The following BAZ1A variants were observed in gnomAD, a reference collection of about 807,000 sequenced individuals.
The protein encoded by BAZ1A is bromodomain adjacent to zinc finger domain 1A.
Under a neutral mutation model 185.2 loss-of-function variants are expected in BAZ1A, and 50 were observed. The observed-to-expected ratio is 0.27, with a 90% CI of 0.22 to 0.34. The LOEUF (loss-of-function observed/expected upper bound fraction) is 0.34, where lower values mean the gene tolerates loss of function less well. Ranked by LOEUF, BAZ1A falls within the 10% of genes least tolerant of loss-of-function variation. The pLI, the probability that BAZ1A is intolerant of heterozygous loss-of-function variation, is 1.00. For synonymous variants in BAZ1A, 571 were observed against 615.6 expected (o/e 0.93, Z 1.07); for missense variants, 1,356 against 1,839.9 (o/e 0.74, Z 4.81).
At chr14:34,824,133 G>C (rs1024149020) in intron 4 of BAZ1A, among the ~76,000 whole-genome samples, 2 of 149,336 alleles carry the variant, frequency 1.3e-5, no homozygotes, top group Non-Finnish European at 1.5e-5. Context: ...CACTTCAAGA[G>C]ACTGAGGTGG....
At chr14:34,833,431 G>C (rs1442260489) in intron 3 of BAZ1A, among the ~76,000 whole-genome samples, 1 of 152,190 alleles carries the variant, frequency 6.6e-6, no homozygotes. Context: ...AGGAGGCTGA[G>C]ACAGGAGAAT....
intron 23 of BAZ1A, among the ~76,000 whole-genome samples, chr14:34,764,375 C>A (rs963202234): frequency 2.8e-5 from 4 of 145,268 alleles, no homozygotes; most frequent in Non-Finnish European, 5.9e-5. Flanking sequence ...CTCACTGCAA[C>A]CTCCGCTCCC....
At chr14:34,806,018 C>A (rs1350267084) in intron 6 of BAZ1A, among the ~76,000 whole-genome samples, 1 of 147,894 alleles carries the variant, frequency 6.8e-6, no homozygotes. Flanking sequence ...ATTTTTTTTT[C>A]TATTTCTCCT....
At chr14:34,785,661 C>T in intron 14 of BAZ1A, 116 bp downstream of exon 14, 1 of 777,098 alleles carries the variant, frequency 1.3e-6, no homozygotes, top group Non-Finnish European at 2.0e-6. Flanking sequence ...AGTTTGCTTT[C>T]TCTTTTTCTC....
intron 20 of BAZ1A, among the ~76,000 whole-genome samples, chr14:34,772,508 T>G (rs76748538): frequency 0.021 from 3,232 of 152,218 alleles, 130 homozygotes; most frequent in African/African-American, 0.074. Context: ...ACTGTTCCCT[T>G]CTAGATGACA....
intron 21 of BAZ1A, among the ~76,000 whole-genome samples, 169 bp from the exon 22 acceptor site, chr14:34,765,437 T>G (rs1233110618): frequency 6.6e-6 from 1 of 152,226 alleles, no homozygotes; most frequent in East Asian, 1.9e-4. Context: ...TGGAAAATAT[T>G]TGCTGAGCCG....
chr14:34,781,299 C>A (rs1279056781), intron 16 of BAZ1A, among the ~76,000 whole-genome samples: 1 of 152,110 alleles, frequency 6.6e-6, no homozygotes, highest in African/African-American at 2.4e-5. Context: ...TTAAAGTGTA[C>A]AATTTAGTGG....
Position 34,776,247 on chromosome 14 carries a change from G to A in BAZ1A, c.2505C>T (p.Asp835=). Residue 835 remains aspartate (D), a synonymous_variant, in exon 18 of 27, where the codon GAC becomes GAT. Transcript: ENST00000360310. ...ATGATGAAGGTCTAGGCAACAGCAT[G>A]TCTTCAGTAAGACCAGAATAATCCT... ...IEEDYSGLTE[D]MLLPRPSSFQ... 2 of 1,613,996 alleles carry A rather than the reference G, an allele frequency of 1.2e-6. No homozygotes were observed. Among genetic ancestry groups the A allele is most frequent in the Non-Finnish European group, 1.7e-6 (2 of 1,179,866 alleles).
At chr14:34,865,450 A>G (rs559853398) in intron 2 of BAZ1A, among the ~76,000 whole-genome samples, 8 of 152,262 alleles carry the variant, frequency 5.3e-5, no homozygotes, top group African/African-American at 1.9e-4. Flanking sequence ...AAAAGTACTT[A>G]AACTGTTATA....
chr14:34,847,474 T>A (rs2042533217), intron 3 of BAZ1A, among the ~76,000 whole-genome samples: 1 of 152,178 alleles, frequency 6.6e-6, no homozygotes, highest in Admixed American at 6.5e-5. Context: ...AAATCTATAC[T>A]ATCTTTGAGC....
chr14:34,858,628 A>AT lies in BAZ1A; in HGVS notation c.392+3415dup, dbSNP rs2042721061. 4.6e-5 allele frequency among the ~76,000 whole-genome samples: 7 copies of AT among 152,228 alleles called. No individual in the cohort carries two copies. In the South Asian group the frequency reaches 1.2e-3, roughly 27 times the overall value. On this transcript the variant is annotated intron_variant, in intron 3 of 26. Transcript: ENST00000360310. ...CCACACCTGGCCCACAATTTAAAAA[A>AT]TTTTTATCAAGAATGTTTTAAAAGT...
intron 5 of BAZ1A, among the ~76,000 whole-genome samples, chr14:34,808,365 G>A (rs1175224510): frequency 6.6e-6 from 1 of 151,962 alleles, no homozygotes; most frequent in African/African-American, 2.4e-5. Context: ...GGCGGTAGTG[G>A]CACATGCCTG....
chr14:34,757,190 C>A (rs1317197710), intron 25 of BAZ1A, among the ~76,000 whole-genome samples: 5 of 151,786 alleles, frequency 3.3e-5, no homozygotes, highest in African/African-American at 1.2e-4. Context: ...CATGGTGAAA[C>A]CCTGTCTCTA....
At chr14:34,810,887 C>T in intron 5 of BAZ1A, 48 bp downstream of exon 5, 2 of 1,332,100 alleles carry the variant, frequency 1.5e-6, no homozygotes, top group Non-Finnish European at 2.1e-6. Context: ...ATCTAACATA[C>T]ATAATTATTC....
chr14:34,773,783 G>A, intron 19 of BAZ1A, 57 bp from the exon 20 acceptor site: 1 of 1,531,936 alleles, frequency 6.5e-7, no homozygotes, highest in Non-Finnish European at 9.0e-7. Context: ...GTTTCTGAGA[G>A]GTATGAAGTT....
chr14:34,758,399 T>C (rs536760546), intron 25 of BAZ1A, among the ~76,000 whole-genome samples: 1 of 151,742 alleles, frequency 6.6e-6, no homozygotes, highest in South Asian at 2.1e-4. Context: ...GACCAACATG[T>C]TGAAACCCCG....
chr14:34,773,110 A>G (rs926736787), intron 20 of BAZ1A, among the ~76,000 whole-genome samples: 1 of 152,090 alleles, frequency 6.6e-6, no homozygotes, highest in African/African-American at 2.4e-5. Context: ...GGGTCTCACT[A>G]TGTTGCCCAG....
chr14:34,800,217 T>G lies in BAZ1A; in HGVS notation c.1128+7A>C. 1 of 1,392,916 alleles carries G rather than the reference T, an allele frequency of 7.2e-7. No homozygotes were observed. Among genetic ancestry groups the G allele is most frequent in the Non-Finnish European group, 9.8e-7 (1 of 1,024,344 alleles). The allele number at this position is 1,392,916 out of a possible 1,614,324, so 86.3% of individuals were successfully genotyped here. A position where few individuals can be genotyped will look rare whatever the true frequency, so the allele number is the denominator to read the frequency against. ...AGAGAGTATAGCTAATATACTCAAA[T>G]GAATACCTTTTCTCTTTCTACTTTA... is the stretch of plus-strand genomic sequence containing the variant. On this transcript the variant is annotated splice_region_variant and intron_variant, in intron 9 of 26. Transcript: ENST00000360310.
chr14:34,767,292 G>A (rs1878913844), intron 21 of BAZ1A, among the ~76,000 whole-genome samples: 1 of 152,154 alleles, frequency 6.6e-6, no homozygotes, highest in Admixed American at 6.6e-5. Flanking sequence ...GCTCACACCT[G>A]TAATCCCAGC....
Sources: allele counts gnomAD v4.1 joint callset (sites outside exome capture counted in the v4.1 genomes callset), GRCh38; gene constraint gnomAD v4.1.1; transcripts MANE v1.5; gene names NCBI Gene and HGNC (gene_info 2026-07-23, HGNC 2026-07-21).